ELMO1: variants seen among roughly 807,000 people sequenced by gnomAD.
The protein encoded by ELMO1 is engulfment and cell motility 1, also known as engulfment and cell motility protein 1.
Under a neutral mutation model 98.9 loss-of-function variants are expected in ELMO1, and 26 were observed. That is an observed-to-expected ratio of 0.26 (90% CI 0.19 to 0.36). The LOEUF (loss-of-function observed/expected upper bound fraction) is 0.36. Among genes scored for constraint, ELMO1 ranks in the 10% least tolerant of loss-of-function variants. The pLI is 1.00. For missense variants in ELMO1, 627 were observed against 935.2 expected, an observed-to-expected ratio of 0.67 and a Z score of 4.30; for synonymous variants, 346 against 346.0, an observed-to-expected ratio of 1.00 and a Z score of 0.00.
chr7:37,293,444 T>C (rs1209880616), intron 4 of ELMO1, among the ~76,000 whole-genome samples: 1 of 88,418 alleles, frequency 1.1e-5, no homozygotes, highest in African/African-American at 3.2e-5. Context: ...CTCTGACACA[T>C]GTGCTGTATC....
intron 2 of ELMO1, among the ~76,000 whole-genome samples, chr7:37,320,932 T>G (rs1366948836): frequency 1.3e-5 from 2 of 152,234 alleles, no homozygotes; most frequent in Non-Finnish European, 2.9e-5. Context: ...CCATAAGCTG[T>G]TAGACACTGA....
chr7:36,888,859 A>C (rs1174831030), intron 17 of ELMO1, among the ~76,000 whole-genome samples: 2 of 152,236 alleles, frequency 1.3e-5, no homozygotes, highest in Non-Finnish European at 1.5e-5. Flanking sequence ...TGAGGTGAGA[A>C]AGGTACTCAT....
chr7:37,421,917 G>A (rs937187090), intron 1 of ELMO1, among the ~76,000 whole-genome samples: 13 of 152,164 alleles, frequency 8.5e-5, no homozygotes, highest in Non-Finnish European at 1.9e-4. Flanking sequence ...AAAGTGATGG[G>A]CAGTGGTGTT....
chr7:37,259,422 A>G, intron 5 of ELMO1, 72 bp from the exon 6 acceptor site: 1 of 1,538,052 alleles, frequency 6.5e-7, no homozygotes, highest in South Asian at 1.2e-5. Context: ...TTATGTTTCA[A>G]TGAGGAACAG....
intron 14 of ELMO1, among the ~76,000 whole-genome samples, chr7:37,114,354 G>A (rs1359479987): frequency 6.6e-6 from 1 of 152,160 alleles, no homozygotes; most frequent in Non-Finnish European, 1.5e-5. Context: ...AAGGAGGTAG[G>A]TTTCTGGAAA....
chr7:37,248,194 A>ATGTGTG (rs3054282), intron 6 of ELMO1, among the ~76,000 whole-genome samples: 24 of 141,028 alleles, frequency 1.7e-4, no homozygotes, highest in Middle Eastern at 3.8e-3. Context: ...GGGATTTTAT[A>ATGTGTG]TGTGTGTGTG....
Position 36,869,533 on chromosome 7 carries a change from C to T in ELMO1, c.1905+860G>A, listed in dbSNP as rs573929719. 1.2e-4 allele frequency among the ~76,000 whole-genome samples: 19 copies of T among 152,276 alleles called. 1 individual carries two copies. In the South Asian group the frequency reaches 3.9e-3, roughly 32 times the overall value. On this transcript the variant is annotated intron_variant, in intron 20 of 21. Transcript: ENST00000310758. Reference sequence around the variant, plus strand: ...GATACTGACACTGGAAATAAAGATGCAACCTATTGATCTATGTGACATTTT... The same window carrying T: ...GATACTGACACTGGAAATAAAGATGTAACCTATTGATCTATGTGACATTTT...
intron 8 of ELMO1, among the ~76,000 whole-genome samples, chr7:37,232,349 G>A (rs17170949): frequency 0.071 from 10,825 of 152,050 alleles, 1,265 homozygotes; most frequent in African/African-American, 0.24. Context: ...AAACCATTTC[G>A]CAAATACAAA....
chr7:37,054,343 C>G (rs1238597415), intron 15 of ELMO1, among the ~76,000 whole-genome samples: 1 of 152,172 alleles, frequency 6.6e-6, no homozygotes, highest in Non-Finnish European at 1.5e-5. Context: ...CATTCACCCT[C>G]AGCCCCTTAG....
chr7:36,959,734 G>T (rs575281862), intron 16 of ELMO1, among the ~76,000 whole-genome samples: 1 of 152,202 alleles, frequency 6.6e-6, no homozygotes, highest in Non-Finnish European at 1.5e-5. Flanking sequence ...AGGCTGGAGT[G>T]CAGTGGCGTG....
intron 15 of ELMO1, among the ~76,000 whole-genome samples, chr7:37,075,625 T>C (rs1396856675): frequency 6.6e-6 from 1 of 152,184 alleles, no homozygotes; most frequent in East Asian, 1.9e-4. Context: ...TTAAAAGACA[T>C]GTCTTGTGGC....
chr7:37,212,603 C>T (rs1283404955), intron 12 of ELMO1, among the ~76,000 whole-genome samples: 6 of 152,154 alleles, frequency 3.9e-5, no homozygotes, highest in Non-Finnish European at 4.4e-5. Flanking sequence ...AACCGTATGG[C>T]CTTGCTCCAT....
intron 16 of ELMO1, among the ~76,000 whole-genome samples, chr7:36,906,267 A>G (rs1171731245): frequency 6.6e-6 from 1 of 152,200 alleles, no homozygotes; most frequent in African/African-American, 2.4e-5. Flanking sequence ...TTCAGAGCCT[A>G]CTCGTCAAGA....
chr7:37,273,138 C>T (rs933314928), intron 4 of ELMO1, among the ~76,000 whole-genome samples: 1 of 152,210 alleles, frequency 6.6e-6, no homozygotes, highest in African/African-American at 2.4e-5. Flanking sequence ...CATAAATAAG[C>T]AGCTCTCCAA....
chr7:37,094,386 G>A (rs990381798), intron 15 of ELMO1, among the ~76,000 whole-genome samples: 4 of 152,206 alleles, frequency 2.6e-5, no homozygotes, highest in Non-Finnish European at 5.9e-5. Flanking sequence ...CACAAATGGA[G>A]TTCTGCCCTG....
chr7:37,331,583 G>A (rs915253086), intron 2 of ELMO1, among the ~76,000 whole-genome samples: 1 of 151,918 alleles, frequency 6.6e-6, no homozygotes, highest in Non-Finnish European at 1.5e-5. Flanking sequence ...TCTCCTGTTT[G>A]TGTAGATATT....
In ELMO1 at chr7:37,024,833, A is replaced by G. The variant is rs150745511; in HGVS notation, c.1301-11398T>C. 4.0e-3 allele frequency among the ~76,000 whole-genome samples: 614 copies of G among 152,310 alleles called. 2 individuals carry two copies. Among genetic ancestry groups the G allele is most frequent in the Non-Finnish European group, 6.2e-3 (424 of 68,010 alleles). On this transcript the variant is annotated intron_variant, in intron 15 of 21. Coordinates refer to ENST00000310758, the MANE Select transcript of ELMO1 (RefSeq NM_014800.11). ...TTTTTTTCAAAAAAGTCCTTGATTT[A>G]AGGTTTAACTTGTGGTGAAATCTTA...
chr7:36,929,027 T>C (rs766926030), intron 16 of ELMO1, among the ~76,000 whole-genome samples: 18 of 152,146 alleles, frequency 1.2e-4, no homozygotes, highest in Admixed American at 2.6e-4. Context: ...GCCCTAATAG[T>C]GGAGATTACT....
At chr7:37,258,635 C>T (rs1273588522) in intron 6 of ELMO1, among the ~76,000 whole-genome samples, 1 of 152,130 alleles carries the variant, frequency 6.6e-6, no homozygotes, top group African/African-American at 2.4e-5. Flanking sequence ...TACATGTTGA[C>T]TGCATTTAAT....
Sources: gnomAD v4.1 joint callset for allele counts (sites outside exome capture counted in the v4.1 genomes callset) on GRCh38, gnomAD v4.1.1 for gene constraint, MANE v1.5 for transcripts, NCBI Gene and HGNC (gene_info 2026-07-23, HGNC 2026-07-21) for gene names.